The following ULK4 variants were observed in gnomAD, a reference collection of about 807,000 sequenced individuals.
ULK4 encodes unc-51 like kinase 4.
In ULK4, 133 loss-of-function variants were observed where a neutral mutation model predicts 160.6. That is an observed-to-expected ratio of 0.83 (90% CI 0.72 to 0.96). ULK4 has a LOEUF of 0.96. Among genes scored for constraint, ULK4 ranks in the 40% least tolerant of loss-of-function variants. ULK4 has a pLI of 0.00. For missense variants in ULK4, 1,580 were observed against 1,499.5 expected (o/e 1.05, Z -0.89); for synonymous variants, 534 against 539.8 (o/e 0.99, Z 0.15).
intron 22 of ULK4, among the ~76,000 whole-genome samples, chr3:41,739,971 A>T (rs1222134231): frequency 6.6e-6 from 1 of 151,980 alleles, no homozygotes; most frequent in African/African-American, 2.4e-5. Flanking sequence ...TTTTGTTAGC[A>T]TACAAATTTT....
chr3:41,943,225 A>G (rs535945419), intron 2 of ULK4, among the ~76,000 whole-genome samples: 16 of 151,932 alleles, frequency 1.1e-4, no homozygotes, highest in South Asian at 4.2e-4. Context: ...AAAAAAAAAA[A>G]AAAGAAAGAA....
chr3:41,675,263 C>T (rs933373945), intron 29 of ULK4, among the ~76,000 whole-genome samples: 1 of 151,126 alleles, frequency 6.6e-6, no homozygotes, highest in Non-Finnish European at 1.5e-5. Context: ...GAAAGTGTTT[C>T]TGAAGATGTA....
chr3:41,495,894 A>T (rs939385488), intron 32 of ULK4, among the ~76,000 whole-genome samples: 4 of 152,096 alleles, frequency 2.6e-5, no homozygotes, highest in Non-Finnish European at 5.9e-5. Context: ...ATCTCACACC[A>T]GTTAGAAAAA....
intron 35 of ULK4, among the ~76,000 whole-genome samples, chr3:41,285,235 T>G (rs915813049): frequency 4.6e-5 from 7 of 152,234 alleles, no homozygotes; most frequent in African/African-American, 1.7e-4. Context: ...ATCCCACTAC[T>G]GAGTATCTAC....
intron 34 of ULK4, among the ~76,000 whole-genome samples, chr3:41,444,498 T>C (rs2083250570): frequency 6.6e-6 from 1 of 152,206 alleles, no homozygotes; most frequent in East Asian, 1.9e-4. Flanking sequence ...AATTCTCACA[T>C]CAGTGAGATG....
intron 17 of ULK4, among the ~76,000 whole-genome samples, chr3:41,844,122 C>T (rs1050966300): frequency 1.3e-5 from 2 of 152,236 alleles, no homozygotes; most frequent in Non-Finnish European, 2.9e-5. Flanking sequence ...GGATCCCCCA[C>T]CGGGGCCGCA....
chr3:41,283,047 G>T (rs1277283140), intron 35 of ULK4, among the ~76,000 whole-genome samples: 1 of 152,170 alleles, frequency 6.6e-6, no homozygotes, highest in Non-Finnish European at 1.5e-5. Flanking sequence ...ATGAAAAAAT[G>T]CTCACCATCA....
At chr3:41,822,041 G>A (rs2041162339) in intron 18 of ULK4, among the ~76,000 whole-genome samples, 2 of 152,026 alleles carry the variant, frequency 1.3e-5, no homozygotes, top group Admixed American at 6.6e-5. Context: ...CCTGTTTTCA[G>A]TCTCCACTCT....
chr3:41,468,657 A>G (rs2083895374), intron 32 of ULK4, among the ~76,000 whole-genome samples: 1 of 152,194 alleles, frequency 6.6e-6, no homozygotes, highest in Admixed American at 6.5e-5. Flanking sequence ...TGAAAAGGGT[A>G]AGATAAAAGG....
intron 35 of ULK4, among the ~76,000 whole-genome samples, chr3:41,348,662 G>C (rs1397767025): frequency 6.6e-6 from 1 of 151,348 alleles, no homozygotes; most frequent in Non-Finnish European, 1.5e-5. Context: ...GTAAATGTAA[G>C]ACTTCTTTGA....
At chr3:41,732,563 G>T (rs1165342672) in intron 22 of ULK4, among the ~76,000 whole-genome samples, 1 of 152,084 alleles carries the variant, frequency 6.6e-6, no homozygotes, top group Non-Finnish European at 1.5e-5. Flanking sequence ...CAGTATGGGG[G>T]TACTCAAAAA....
At chr3:41,303,602 T>C (rs904554662) in intron 35 of ULK4, among the ~76,000 whole-genome samples, 2 of 152,200 alleles carry the variant, frequency 1.3e-5, no homozygotes, top group Non-Finnish European at 2.9e-5. Context: ...TCTGCAGACA[T>C]GTCCAGCAAT....
chr3:41,790,494 G>C (rs1398391835), intron 20 of ULK4, among the ~76,000 whole-genome samples: 1 of 152,156 alleles, frequency 6.6e-6, no homozygotes, highest in Non-Finnish European at 1.5e-5. Flanking sequence ...ATAGAAGTGG[G>C]CTCAATTAAT....
At chr3:41,560,848 C>G (rs904785410) in intron 32 of ULK4, among the ~76,000 whole-genome samples, 14 of 152,082 alleles carry the variant, frequency 9.2e-5, no homozygotes, top group African/African-American at 3.1e-4. Flanking sequence ...AATTAAATAC[C>G]CTTTATTTCT....
intron 18 of ULK4, among the ~76,000 whole-genome samples, chr3:41,825,170 C>T (rs569189544): frequency 6.6e-6 from 1 of 151,714 alleles, no homozygotes; most frequent in African/African-American, 2.4e-5. Context: ...CTGTACATCA[C>T]CATCATCAAA....
intron 19 of ULK4, among the ~76,000 whole-genome samples, chr3:41,804,829 T>C (rs2040590865): frequency 1.3e-5 from 2 of 152,198 alleles, no homozygotes; most frequent in African/African-American, 4.8e-5. Context: ...TCTGTTCTAT[T>C]CCATTGGTCT....
chr3:41,487,730 T>C (rs2084592149), intron 32 of ULK4, among the ~76,000 whole-genome samples: 1 of 152,104 alleles, frequency 6.6e-6, no homozygotes, highest in Admixed American at 6.6e-5. Context: ...ATCTCTCAAG[T>C]GTGAAAGGTT....
At chr3:41,809,165 C>CAAA (rs147555860) in intron 19 of ULK4, among the ~76,000 whole-genome samples, 37 of 100,546 alleles carry the variant, frequency 3.7e-4, no homozygotes, top group Middle Eastern at 5.1e-3. Context: ...GACTCCGTCT[C>CAAA]AAAAAAAAAA....
rs144355033 is a variant in ULK4 at position 41,320,435 on chromosome 3, G to A, written c.3679-70861C>T. On this transcript the variant is annotated intron_variant, in intron 35 of 36. Transcript: ENST00000301831. Reference sequence around the variant, plus strand: ...ATAACAAGGAGAGTAGTTGCATCCCGGAGAGCCTAATAAGTCTAGCGTAAA... The same window carrying A: ...ATAACAAGGAGAGTAGTTGCATCCCAGAGAGCCTAATAAGTCTAGCGTAAA... 5.9e-5 allele frequency among the ~76,000 whole-genome samples: 9 copies of A among 152,214 alleles called. No homozygotes were observed. In the East Asian group the frequency reaches 1.2e-3, roughly 20 times the overall value.
Sources: gnomAD v4.1 joint callset for allele counts (sites outside exome capture counted in the v4.1 genomes callset) on GRCh38, gnomAD v4.1.1 for gene constraint, MANE v1.5 for transcripts, NCBI Gene and HGNC (gene_info 2026-07-23, HGNC 2026-07-21) for gene names.